MACROH2A2: variants seen among roughly 807,000 people sequenced by gnomAD.
MACROH2A2 encodes the protein macroH2A.2 histone.
A neutral mutation model predicts 37.6 loss-of-function variants in MACROH2A2; 6 were observed. The observed-to-expected ratio is 0.16, with a 90% CI of 0.09 to 0.32. The LOEUF (loss-of-function observed/expected upper bound fraction) is 0.32, where lower values mean the gene tolerates loss of function less well. Among genes scored for constraint, MACROH2A2 ranks in the 10% least tolerant of loss-of-function variants. The pLI, the probability that MACROH2A2 is intolerant of heterozygous loss-of-function variation, is 1.00. For missense variants in MACROH2A2, 290 were observed against 485.9 expected, an observed-to-expected ratio of 0.60 and a Z score of 3.79; for synonymous variants, 192 against 202.7, an observed-to-expected ratio of 0.95 and a Z score of 0.45.
chr10:70,096,063 C>T (rs1475698344), intron 6 of MACROH2A2, among the ~76,000 whole-genome samples: 1 of 152,162 alleles, frequency 6.6e-6, no homozygotes, highest in Non-Finnish European at 1.5e-5. Flanking sequence ...TTACCAGCAC[C>T]CCAGAAGTCT....
intron 5 of MACROH2A2, among the ~76,000 whole-genome samples, chr10:70,095,369 A>G (rs995761555): frequency 1.4e-5 from 2 of 145,760 alleles, no homozygotes; most frequent in African/African-American, 5.1e-5. Flanking sequence ...CTCCGTCTCA[A>G]AAAAAAAAAA....
At chr10:70,057,408 T>C (rs1458767980) in intron 1 of MACROH2A2, among the ~76,000 whole-genome samples, 2 of 152,214 alleles carry the variant, frequency 1.3e-5, no homozygotes, top group African/African-American at 2.4e-5. Flanking sequence ...CCTTTCAGTC[T>C]TAGATTATGA....
At chr10:70,093,223 C>G (rs1340554068) in intron 4 of MACROH2A2, among the ~76,000 whole-genome samples, 1 of 152,204 alleles carries the variant, frequency 6.6e-6, no homozygotes, top group African/African-American at 2.4e-5. Flanking sequence ...TAAAATTCAG[C>G]TCCTTGATTG....
intron 7 of MACROH2A2, among the ~76,000 whole-genome samples, chr10:70,103,953 T>C (rs1236030602): frequency 6.6e-6 from 1 of 152,072 alleles, no homozygotes; most frequent in East Asian, 1.9e-4. Context: ...ATCCAGACAC[T>C]AGCTGGAAAG....
At position 70,111,617 on chromosome 10, in the gene MACROH2A2, C is replaced by T. The variant is rs115324226; in HGVS notation, c.1053C>T (p.Phe351=). The change falls in exon 9 of 9, where the codon TTC becomes TTT. Residue 351 remains phenylalanine, a synonymous_variant. Transcript: ENST00000373255. The part of the protein sequence containing the change: ...SSASSLKNVY[F]LLFDSESIGI... ...CGTCCTCGCTGAAGAACGTGTACTT[C>T]CTGCTCTTCGACAGCGAGAGCATCG... is the stretch of plus-strand genomic sequence containing the variant. 5.0e-6 allele frequency: 8 copies of T among 1,613,618 alleles called. No individual in the cohort carries two copies. The East Asian group carries it at 6.7e-5, about 13-fold the overall frequency.
rs1167134580 is a variant in MACROH2A2 at position 70,075,317 on chromosome 10, G to A, written c.-59-283G>A. Among the ~76,000 whole-genome samples, 1 of 152,228 alleles carries A rather than the reference G, an allele frequency of 6.6e-6. No homozygotes were observed. Among genetic ancestry groups the A allele is most frequent in the Non-Finnish European group, 1.5e-5 (1 of 68,034 alleles). ...CATCTTTGGGGATCATTGTTCAGCT[G>A]ACCACAGGACCGAGACCTCCCTATT... is the stretch of plus-strand genomic sequence containing the variant. On this transcript the variant is annotated intron_variant, in intron 1 of 8. Coordinates refer to ENST00000373255, the MANE Select transcript of MACROH2A2 (RefSeq NM_018649.3). This position sits in a 1 kb window ranked among gnomAD's most constrained non-coding sequence, Gnocchi z 5.0.
At chr10:70,082,451 GAA>G (rs1474454403) in intron 2 of MACROH2A2, among the ~76,000 whole-genome samples, 4 of 151,572 alleles carry the variant, frequency 2.6e-5, no homozygotes, top group Admixed American at 6.6e-5. Flanking sequence ...AAGAAAGAAA[GAA>G]AGAGAGAAAG....
chr10:70,096,874 A>T (rs2072279540), intron 6 of MACROH2A2, among the ~76,000 whole-genome samples: 1 of 152,130 alleles, frequency 6.6e-6, no homozygotes, highest in Non-Finnish European at 1.5e-5. Context: ...AGCCCTGGGA[A>T]AAGTCAGCAT....
intron 1 of MACROH2A2, among the ~76,000 whole-genome samples, chr10:70,073,044 C>T (rs1265193424): frequency 6.6e-6 from 1 of 152,138 alleles, no homozygotes. Flanking sequence ...CCGTCATATG[C>T]GGTCATTGTG....
intron 2 of MACROH2A2, among the ~76,000 whole-genome samples, chr10:70,080,885 C>CAAAAAAAAA (rs149608498): frequency 3.1e-5 from 1 of 31,972 alleles, no homozygotes; most frequent in Non-Finnish European, 5.2e-5. Context: ...AACTCCATCT[C>CAAAAAAAAA]AAAAAAAAAA....
intron 1 of MACROH2A2, among the ~76,000 whole-genome samples, chr10:70,064,477 A>C (rs565244743): frequency 3.9e-5 from 6 of 152,230 alleles, no homozygotes; most frequent in Non-Finnish European, 5.9e-5. Context: ...CTCAGTTCCT[A>C]ACTGGACACC....
chr10:70,085,788 A>G (rs971956883), intron 2 of MACROH2A2, among the ~76,000 whole-genome samples: 8 of 152,348 alleles, frequency 5.3e-5, no homozygotes, highest in Middle Eastern at 3.4e-3. Context: ...ATCTTCCCAC[A>G]ACATTTGCAG....
At chr10:70,104,724 T>C (rs2072326551) in intron 7 of MACROH2A2, among the ~76,000 whole-genome samples, 8 of 152,114 alleles carry the variant, frequency 5.3e-5, no homozygotes. Context: ...TCCTGAAGAT[T>C]TGCAGCCAGA....
chr10:70,104,539 G>T (rs1452353458), intron 7 of MACROH2A2, among the ~76,000 whole-genome samples: 1 of 152,170 alleles, frequency 6.6e-6, no homozygotes, highest in East Asian at 1.9e-4. Context: ...GCTGGGCGTG[G>T]TGGTGGGTGC....
In MACROH2A2 at chr10:70,091,972, G is replaced by T. The variant is rs1268006864; in HGVS notation, c.477+18G>T. 1.9e-6 allele frequency: 3 copies of T among 1,602,992 alleles called. No individual in the cohort carries two copies. The highest frequency in any genetic ancestry group is 1.7e-6 in the Non-Finnish European group (2 of 1,171,602). Reference sequence around the variant, plus strand: ...CCAAAAAGGTAGGCCGAGGCTGCGTGTCCTGGGCCAGGCACTCCCACTGCA... The same window carrying T: ...CCAAAAAGGTAGGCCGAGGCTGCGTTTCCTGGGCCAGGCACTCCCACTGCA... On this transcript the variant is annotated intron_variant, in intron 4 of 8. Transcript: ENST00000373255.
chr10:70,056,301 G>T (rs185778079), intron 1 of MACROH2A2, among the ~76,000 whole-genome samples: 2 of 152,230 alleles, frequency 1.3e-5, no homozygotes, highest in Admixed American at 1.3e-4. Context: ...AGGCTGGAGT[G>T]CATTGGCACA....
intron 1 of MACROH2A2, among the ~76,000 whole-genome samples, chr10:70,063,751 G>A (rs2072062419): frequency 6.6e-6 from 1 of 152,182 alleles, no homozygotes; most frequent in African/African-American, 2.4e-5. Context: ...TGGTAAAGAA[G>A]TACAAATAAA....
intron 3 of MACROH2A2, among the ~76,000 whole-genome samples, 165 bp downstream of exon 3, chr10:70,090,331 G>T (rs1224420812): frequency 6.6e-6 from 1 of 152,236 alleles, no homozygotes; most frequent in East Asian, 1.9e-4. Flanking sequence ...TTATCATTCA[G>T]ATTCAAAATA....
chr10:70,061,955 A>T (rs2072052888), intron 1 of MACROH2A2, among the ~76,000 whole-genome samples: 1 of 152,232 alleles, frequency 6.6e-6, no homozygotes, highest in South Asian at 2.1e-4. Flanking sequence ...TTTGGAAAGT[A>T]TTATACTATA....
Sources: allele counts gnomAD v4.1 joint callset (sites outside exome capture counted in the v4.1 genomes callset), GRCh38; gene constraint gnomAD v4.1.1; non-coding constraint Gnocchi (gnomAD v3.1); transcripts MANE v1.5; gene names NCBI Gene and HGNC (gene_info 2026-07-23, HGNC 2026-07-21).